Variants in NALCN observed in about 807,000 individuals in gnomAD.
NALCN encodes sodium leak channel, non-selective.
NALCN carries 111 observed loss-of-function variants against 225.3 expected under a neutral mutation model. The ratio of observed to expected loss-of-function variants is 0.49; its 90% confidence interval spans 0.42 to 0.58. The LOEUF (loss-of-function observed/expected upper bound fraction) is 0.58. NALCN is among the 20% of genes least tolerant of loss of function. The pLI is 0.00. For missense variants in NALCN, 1,378 were observed against 2,202.4 expected, an observed-to-expected ratio of 0.63 and a Z score of 7.49; for synonymous variants, 764 against 769.0, an observed-to-expected ratio of 0.99 and a Z score of 0.11.
intron 18 of NALCN, among the ~76,000 whole-genome samples, chr13:101,123,638 A>G (rs2036087671): frequency 6.6e-6 from 1 of 152,212 alleles, no homozygotes; most frequent in Non-Finnish European, 1.5e-5. Flanking sequence ...ACACATACTT[A>G]ACTCTATGCA....
At chr13:101,356,501 A>T (rs1331301421) in intron 6 of NALCN, among the ~76,000 whole-genome samples, 1 of 152,126 alleles carries the variant, frequency 6.6e-6, no homozygotes, top group Non-Finnish European at 1.5e-5. Flanking sequence ...TGGCTCCCTA[A>T]ATAAACCAAT....
intron 6 of NALCN, among the ~76,000 whole-genome samples, chr13:101,355,368 G>T (rs1394728012): frequency 9.9e-6 from 1 of 101,184 alleles, no homozygotes; most frequent in Admixed American, 9.1e-5. Flanking sequence ...CAAGCAAATG[G>T]AAAGAAAAAA....
intron 3 of NALCN, among the ~76,000 whole-genome samples, chr13:101,387,247 A>AT (rs1440542672): frequency 4.8e-4 from 72 of 150,692 alleles, no homozygotes; most frequent in African/African-American, 1.7e-3. Context: ...AAAAAAAAAA[A>AT]AAAAAAACAG....
intron 13 of NALCN, among the ~76,000 whole-genome samples, chr13:101,204,734 G>A (rs1346769511): frequency 6.6e-6 from 1 of 152,086 alleles, no homozygotes. Context: ...CCTTGGCTAT[G>A]CTTGGGTTAA....
At chr13:101,110,450 T>C (rs1260331119) in intron 20 of NALCN, among the ~76,000 whole-genome samples, 169 bp downstream of exon 20, 1 of 152,230 alleles carries the variant, frequency 6.6e-6, no homozygotes, top group Non-Finnish European at 1.5e-5. Context: ...CAGTTACTTC[T>C]GATACTTGGC....
chr13:101,177,587 T>C (rs2039014937), intron 14 of NALCN, among the ~76,000 whole-genome samples: 3 of 152,066 alleles, frequency 2.0e-5, no homozygotes, highest in South Asian at 4.1e-4. Context: ...TTAAAAAATG[T>C]ATGCTTCTTT....
intron 13 of NALCN, among the ~76,000 whole-genome samples, chr13:101,223,134 G>A (rs989168304): frequency 7.2e-5 from 11 of 151,942 alleles, no homozygotes; most frequent in South Asian, 4.2e-4. Context: ...ACTCTTTTAC[G>A]GGACATTCAC....
rs2042313123 is a variant in NALCN, at chr13:101,258,466, A to G, written c.1243T>C (p.Tyr415His). 6.2e-7 allele frequency: 1 copy of G among 1,614,036 alleles called. No homozygotes were observed. The highest frequency in any genetic ancestry group is 8.5e-7 in the Non-Finnish European group (1 of 1,180,030). Residue 415 changes from tyrosine (Y) to histidine (H), a missense_variant, in exon 11 of 44, where the codon TAC (tyrosine) becomes CAC (histidine). This residue lies in a region of NALCN where 144 missense variants were observed against 187.7 expected (regional missense o/e 0.77). Transcript: ENST00000251127. ...YYKGENFRRQYDEFYLAEVAF... is the reference protein window; with the variant it reads ...YYKGENFRRQHDEFYLAEVAF... ...ACCTCCGCCAGGTAGAACTCGTCGT[A>G]CTGCCTCCTGAAGTTTTCTCCTTTG...
intron 7 of NALCN, among the ~76,000 whole-genome samples, chr13:101,300,485 C>T (rs938252150): frequency 2.0e-5 from 3 of 150,976 alleles, no homozygotes; most frequent in African/African-American, 7.3e-5. Context: ...GAGTCTCGCC[C>T]TGTCACCCAG....
intron 3 of NALCN, among the ~76,000 whole-genome samples, chr13:101,394,514 G>A (rs1224318675): frequency 6.6e-6 from 1 of 152,134 alleles, no homozygotes; most frequent in Non-Finnish European, 1.5e-5. Context: ...ATACTCTAGG[G>A]ACAGCATCAT....
At chr13:101,370,725 T>C (rs1291770752) in intron 6 of NALCN, among the ~76,000 whole-genome samples, 3 of 152,196 alleles carry the variant, frequency 2.0e-5, no homozygotes, top group African/African-American at 7.2e-5. Flanking sequence ...AAAAATTAGA[T>C]TTCTACTTCA....
Position 101,104,671 on chromosome 13 carries a change from T to C in NALCN, c.2637-21A>G, listed in dbSNP as rs769352551. The C allele has an allele frequency of 5.0e-5, 80 of 1,613,172 alleles. 2 individuals carry two copies. In the South Asian group the frequency reaches 8.0e-4, roughly 16 times the overall value. ...AATCACTGCCAAAGACCAAACAAAATTGAGAAACATAAAGGTTCCAGGAAA... is the reference window on the plus strand; with the variant it reads ...AATCACTGCCAAAGACCAAACAAAACTGAGAAACATAAAGGTTCCAGGAAA... On this transcript the variant is annotated intron_variant, in intron 23 of 43. Coordinates refer to ENST00000251127, the MANE Select transcript of NALCN (RefSeq NM_052867.4). This position sits in a 1 kb window ranked among gnomAD's most constrained non-coding sequence, Gnocchi z 4.2.
chr13:101,376,649 G>T (rs1281040823), intron 6 of NALCN, 51 bp downstream of exon 6: 2 of 1,547,526 alleles, frequency 1.3e-6, no homozygotes, highest in African/African-American at 1.4e-5. Flanking sequence ...AAATTACAGA[G>T]ATATCTTTGT....
intron 20 of NALCN, among the ~76,000 whole-genome samples, chr13:101,109,754 G>C (rs1178137930): frequency 2.6e-5 from 4 of 152,064 alleles, no homozygotes. Context: ...ATAACGCTTG[G>C]CTTCTCTGCA....
At chr13:101,160,184 G>A (rs1176794309) in intron 15 of NALCN, among the ~76,000 whole-genome samples, 2 of 152,112 alleles carry the variant, frequency 1.3e-5, no homozygotes, top group Admixed American at 1.3e-4. Flanking sequence ...TCGATCTCCT[G>A]ACCTTGTGAT....
chr13:101,385,565 G>A (rs145911302), intron 3 of NALCN, among the ~76,000 whole-genome samples: 31 of 152,262 alleles, frequency 2.0e-4, no homozygotes, highest in Non-Finnish European at 4.6e-4. Flanking sequence ...GACTTTGCAC[G>A]TGTGCCAATG....
At chr13:101,297,724 A>T (rs544851937) in intron 7 of NALCN, among the ~76,000 whole-genome samples, 1 of 152,142 alleles carries the variant, frequency 6.6e-6, no homozygotes. Context: ...TTGTTTTCTT[A>T]TCTGGTCCTT....
chr13:101,327,214 T>TA (rs1418660523), intron 7 of NALCN, among the ~76,000 whole-genome samples: 1 of 152,186 alleles, frequency 6.6e-6, no homozygotes, highest in Non-Finnish European at 1.5e-5. Flanking sequence ...ATTTAAACAT[T>TA]AAAAGTGCTA....
At chr13:101,106,227 G>C (rs977155192) in intron 22 of NALCN, among the ~76,000 whole-genome samples, 1 of 151,806 alleles carries the variant, frequency 6.6e-6, no homozygotes, top group African/African-American at 2.4e-5. Context: ...ATTAGATTAG[G>C]GCCCACCCTA....
Sources: gnomAD v4.1 joint callset for allele counts (sites outside exome capture counted in the v4.1 genomes callset) on GRCh38, gnomAD v4.1.1 for gene constraint, gnomAD v4.1.1 regional missense constraint, Gnocchi (gnomAD v3.1) non-coding constraint, MANE v1.5 for transcripts, NCBI Gene and HGNC (gene_info 2026-07-23, HGNC 2026-07-21) for gene names.